DGKB: variants seen among roughly 807,000 people sequenced by gnomAD.
DGKB encodes diacylglycerol kinase beta.
A neutral mutation model predicts 114.3 loss-of-function variants in DGKB; 67 were observed. The ratio of observed to expected loss-of-function variants is 0.59; its 90% CI spans 0.48 to 0.72. The LOEUF is 0.72. DGKB is among the 30% of genes least tolerant of loss of function. The pLI is 0.00. For synonymous variants in DGKB, 398 were observed against 323.1 expected, an observed-to-expected ratio of 1.23 and a Z score of -2.49; for missense variants, 907 against 975.2, an observed-to-expected ratio of 0.93 and a Z score of 0.93.
intron 13 of DGKB, among the ~76,000 whole-genome samples, chr7:14,665,616 G>T (rs1003128776): frequency 1.3e-5 from 2 of 151,894 alleles, no homozygotes; most frequent in Non-Finnish European, 2.9e-5. Context: ...CAACAGAAAT[G>T]ATTTTTGTGA....
In DGKB at chr7:14,554,053, T is replaced by C. The variant is rs536779508; in HGVS notation, c.1770+20159A>G. On this transcript the variant is annotated intron_variant, in intron 20 of 25. Transcript: ENST00000402815. Reference sequence around the variant, plus strand: ...ACGCCCGGCTAATTTTTGTATTTTTTAGTAGAGACGGGGTTTCACTGTGTT... The same window carrying C: ...ACGCCCGGCTAATTTTTGTATTTTTCAGTAGAGACGGGGTTTCACTGTGTT... Among the ~76,000 whole-genome samples, 11 of 151,978 alleles carry C rather than the reference T, an allele frequency of 7.2e-5. 1 individual carries two copies. In the South Asian group the frequency reaches 2.3e-3, roughly 32 times the overall value.
rs1281840734 is a variant in DGKB, at chr7:14,315,978, T to C, written c.2122+22537A>G. 2.6e-3 allele frequency among the ~76,000 whole-genome samples: 397 copies of C among 149,924 alleles called. 1 individual carries two copies. Among genetic ancestry groups the C allele is most frequent in the African/African-American group, 9.2e-3 (368 of 40,198 alleles). On this transcript the variant is annotated intron_variant, in intron 23 of 25. Coordinates refer to ENST00000402815, the MANE Select transcript of DGKB (RefSeq NM_001350709.2). ...CAAACTAGAACTCAGGATTAAGAAT[T>C]TCACTCAAAACCGCTCAACTACATG...
chr7:14,674,784 A>T (rs1284312430), intron 12 of DGKB, among the ~76,000 whole-genome samples: 1 of 152,082 alleles, frequency 6.6e-6, no homozygotes, highest in Non-Finnish European at 1.5e-5. Context: ...AATTCCAGGG[A>T]TTGCTGGCAA....
rs545428655 is a variant in DGKB, at chr7:14,206,995, T to C, written c.2123-28844A>G. 5.3e-5 allele frequency among the ~76,000 whole-genome samples: 8 copies of C among 152,204 alleles called. No individual in the cohort carries two copies. The South Asian group carries it at 1.7e-3, about 32-fold the overall frequency. ...GGGTAAAAATGTATGAGATGGAATT[T>C]ATAAATGTTGGCAATAACTTTTAAT... On this transcript the variant is annotated intron_variant, in intron 23 of 25. Transcript: ENST00000402815.
chr7:14,250,962 T>C (rs1188672681), intron 23 of DGKB, among the ~76,000 whole-genome samples: 1 of 152,190 alleles, frequency 6.6e-6, no homozygotes, highest in Non-Finnish European at 1.5e-5. Flanking sequence ...TGCTCTTTTT[T>C]ATTATTATTT....
intron 6 of DGKB, among the ~76,000 whole-genome samples, chr7:14,710,068 G>C (rs969893201): frequency 6.6e-6 from 1 of 151,754 alleles, no homozygotes; most frequent in Non-Finnish European, 1.5e-5. Context: ...AAATAACACT[G>C]CTGGATTTCT....
intron 25 of DGKB, among the ~76,000 whole-genome samples, chr7:14,166,277 A>C (rs114056593): frequency 9.9e-5 from 15 of 152,212 alleles, no homozygotes; most frequent in Non-Finnish European, 1.6e-4. Flanking sequence ...TTTTCTCTCA[A>C]TGTGGTAAAT....
chr7:14,571,612 G>A (rs1798392318), intron 20 of DGKB, among the ~76,000 whole-genome samples: 1 of 152,060 alleles, frequency 6.6e-6, no homozygotes, highest in African/African-American at 2.4e-5. Context: ...GCTCAGAAGA[G>A]ACAAAAGAGG....
intron 13 of DGKB, among the ~76,000 whole-genome samples, chr7:14,669,530 T>A (rs1818601014): frequency 6.6e-6 from 1 of 152,194 alleles, no homozygotes; most frequent in East Asian, 1.9e-4. Flanking sequence ...CTTGACAGCC[T>A]CTTTTATCAC....
At chr7:14,863,380 A>T (rs1851263490) in intron 1 of DGKB, among the ~76,000 whole-genome samples, 2 of 151,462 alleles carry the variant, frequency 1.3e-5, no homozygotes, top group Admixed American at 6.6e-5. Context: ...TATGGTCAAG[A>T]AGGTAATAAT....
intron 13 of DGKB, among the ~76,000 whole-genome samples, chr7:14,632,915 T>C (rs930824850): frequency 6.6e-6 from 1 of 151,818 alleles, no homozygotes; most frequent in African/African-American, 2.4e-5. Context: ...GGGTCTCAAA[T>C]GCAGAAACCC....
In DGKB at chr7:14,954,838, GA is replaced by G. The variant is rs1786407670; in HGVS notation, c.-188+19857del. On this transcript the variant is annotated intron_variant, in intron 1 of 4. Transcript: ENST00000437998. ...GGTTACATAGAGCTGAAATGCTCAA[GA>G]GAAGTTTAGGTTCAAGTTCAAATTT... Among the ~76,000 whole-genome samples the G allele has an allele frequency of 3.3e-5, 5 of 152,174 alleles. No individual in the cohort carries two copies. The South Asian group carries it at 1.0e-3, about 32-fold the overall frequency.
At chr7:14,968,094 T>C (rs547530872) in intron 1 of DGKB, among the ~76,000 whole-genome samples, 10 of 152,156 alleles carry the variant, frequency 6.6e-5, no homozygotes, top group Non-Finnish European at 1.5e-4. Flanking sequence ...CGGTTGCAAA[T>C]AGGTAATAAA....
intron 20 of DGKB, among the ~76,000 whole-genome samples, chr7:14,532,591 T>C (rs1226892181): frequency 6.6e-6 from 1 of 151,434 alleles, no homozygotes; most frequent in Non-Finnish European, 1.5e-5. Flanking sequence ...AAATACATAA[T>C]AATAATAAAT....
chr7:14,365,857 AG>A, intron 21 of DGKB, among the ~76,000 whole-genome samples: 1 of 152,246 alleles, frequency 6.6e-6, no homozygotes, highest in African/African-American at 2.4e-5. Flanking sequence ...AAATTGTATT[AG>A]GTAAATATTA....
chr7:14,176,646 A>G (rs1356744389), intron 25 of DGKB, 193 bp downstream of exon 25: 10 of 1,319,178 alleles, frequency 7.6e-6, no homozygotes, highest in Non-Finnish European at 9.7e-6. Context: ...CAAGAGCTAA[A>G]TCATTGCCAA....
At chr7:14,260,220 C>T (rs1298831952) in intron 23 of DGKB, among the ~76,000 whole-genome samples, 1 of 151,876 alleles carries the variant, frequency 6.6e-6, no homozygotes, top group Non-Finnish European at 1.5e-5. Flanking sequence ...TTAGGAGGTG[C>T]CAACAGATGG....
chr7:14,198,471 C>T (rs1785339871), intron 23 of DGKB, among the ~76,000 whole-genome samples: 1 of 151,930 alleles, frequency 6.6e-6, no homozygotes, highest in Admixed American at 6.6e-5. Flanking sequence ...CCCCCAAACC[C>T]CAACTTCCAT....
chr7:14,177,370 C>A (rs1406813142), intron 24 of DGKB, among the ~76,000 whole-genome samples: 1 of 151,842 alleles, frequency 6.6e-6, no homozygotes, highest in African/African-American at 2.4e-5. Flanking sequence ...GCCTGACCAA[C>A]ATGGTGAAAC....
Sources: gnomAD v4.1 joint callset for allele counts (sites outside exome capture counted in the v4.1 genomes callset) on GRCh38, gnomAD v4.1.1 for gene constraint, MANE v1.5 for transcripts, NCBI Gene and HGNC (gene_info 2026-07-23, HGNC 2026-07-21) for gene names.